DNAH6: variants seen among roughly 807,000 people sequenced by gnomAD.
DNAH6 encodes the protein dynein axonemal heavy chain 6, also known as axonemal beta dynein heavy chain 6.
Under a neutral mutation model 491.4 loss-of-function variants are expected in DNAH6, and 340 were observed. The ratio of observed to expected loss-of-function variants is 0.69; its 90% CI spans 0.63 to 0.76. The LOEUF is 0.76. DNAH6 is among the 30% of genes least tolerant of loss of function. The pLI is 0.00. For missense variants in DNAH6, 4,443 were observed against 4,972.2 expected (o/e 0.89, Z 3.20); for synonymous variants, 1,603 against 1,686.1 (o/e 0.95, Z 1.21).
intron 64 of DNAH6, among the ~76,000 whole-genome samples, chr2:84,775,379 T>A (rs1330695944): frequency 6.6e-6 from 1 of 152,086 alleles, no homozygotes; most frequent in Non-Finnish European, 1.5e-5. Context: ...CATGGTGAAT[T>A]AACTTTTTAA....
the DNAH6 span, among the ~76,000 whole-genome samples, chr2:84,507,840 T>G: frequency 0.95 from 145,210 of 152,226 alleles, 69,297 homozygotes; most frequent in East Asian, 1. Flanking sequence ...GGTTTTTGTC[T>G]TTGGTTCTGT....
intron 70 of DNAH6, among the ~76,000 whole-genome samples, chr2:84,799,573 T>C (rs1424069678): frequency 6.6e-6 from 1 of 152,236 alleles, no homozygotes; most frequent in Non-Finnish European, 1.5e-5. Context: ...CCAGGGAGTC[T>C]CCACCTTTGA....
intron 10 of DNAH6, among the ~76,000 whole-genome samples, chr2:84,553,784 G>A (rs963216351): frequency 1.3e-5 from 2 of 151,816 alleles, no homozygotes; most frequent in African/African-American, 2.4e-5. Flanking sequence ...AATACCATTT[G>A]TGAAATCTTT....
chr2:84,478,997 G>A, the DNAH6 span, among the ~76,000 whole-genome samples: 1 of 152,024 alleles, frequency 6.6e-6, no homozygotes, highest in Non-Finnish European at 1.5e-5. Flanking sequence ...TACACTATCA[G>A]CTGTCCCCAG....
chr2:84,724,317 T>A (rs1016234307), intron 60 of DNAH6, among the ~76,000 whole-genome samples: 3 of 152,206 alleles, frequency 2.0e-5, no homozygotes, highest in African/African-American at 7.2e-5. Context: ...GCCAGCCTAG[T>A]CCTAGTGTTT....
chr2:84,710,698 C>T (rs749409823), intron 56 of DNAH6, among the ~76,000 whole-genome samples: 5 of 152,108 alleles, frequency 3.3e-5, no homozygotes, highest in African/African-American at 7.2e-5. Flanking sequence ...TGGTGAGCTG[C>T]GCTGAAAATT....
rs943765412 is a variant in DNAH6, at chr2:84,663,834, G to A, written c.6084+4665G>A. ...GTTAAAATAAAGGAAAAAATATTAA[G>A]GGCAGCTAGAGAGAAAGGTCGGGTT... On this transcript the variant is annotated intron_variant, in intron 37 of 76. Transcript: ENST00000389394. Among the ~76,000 whole-genome samples the A allele has an allele frequency of 7.2e-5, 11 of 152,250 alleles. No homozygotes were observed. The South Asian group carries it at 2.3e-3, about 32-fold the overall frequency.
chr2:84,628,795 T>TA lies in DNAH6; in HGVS notation c.4515+3741dup, dbSNP rs966411977. ...TCAAGTCAAATGTTCTCTCCCATTT[T>TA]AAAAAAAAATACATATTATATGCAA... On this transcript the variant is annotated intron_variant, in intron 29 of 76. Transcript: ENST00000389394. Among the ~76,000 whole-genome samples, 387 of 151,198 alleles carry TA rather than the reference T, an allele frequency of 2.6e-3. 1 individual carries two copies. Among genetic ancestry groups the TA allele is most frequent in the South Asian group, 0.013 (63 of 4,778 alleles).
At chr2:84,697,751 G>A (rs1292896948) in intron 47 of DNAH6, 24 bp downstream of exon 47, 1 of 1,551,328 alleles carries the variant, frequency 6.4e-7, no homozygotes. Context: ...GAGTAGTTAT[G>A]TGGCTTTATC....
At chr2:84,673,534 G>C (rs1692943386) in intron 40 of DNAH6, among the ~76,000 whole-genome samples, 1 of 152,192 alleles carries the variant, frequency 6.6e-6, no homozygotes, top group Admixed American at 6.5e-5. Context: ...GAACTAATGG[G>C]ATAGACATAT....
In DNAH6 at chr2:84,745,223, C is replaced by T. The variant is rs1301865323; in HGVS notation, c.10486C>T (p.Leu3496Phe). The T allele has an allele frequency of 2.0e-6, 3 of 1,518,766 alleles. No individual in the cohort carries two copies. The highest frequency in any genetic ancestry group is 2.6e-6 in the Non-Finnish European group (3 of 1,135,308). 94.1% of individuals were successfully genotyped at this position (1,518,766 alleles called of 1,614,324 possible). ...ATTGAGTTCTTTCCATAAGCTAATT[C>T]TTATTAAATGTTGTAAAGAAGAAAA... is the stretch of plus-strand genomic sequence containing the variant. ...AGLSSFHKLI[L>F]IKCCKEEKVV... The change falls in exon 63 of 77, where the codon CTT becomes TTT. Residue 3496 changes from leucine (L) to phenylalanine (F), a missense_variant. Leu to Phe is a conservative substitution (Grantham distance 22). Coordinates refer to ENST00000389394, the MANE Select transcript of DNAH6 (RefSeq NM_001370.2).
chr2:84,651,100 T>C (rs888774901), intron 33 of DNAH6, among the ~76,000 whole-genome samples: 6 of 152,074 alleles, frequency 3.9e-5, no homozygotes, highest in Non-Finnish European at 7.4e-5. Flanking sequence ...TAGAAGCGCC[T>C]CATTACTGTT....
chr2:84,777,910 G>C lies in DNAH6; in HGVS notation c.10704-3583G>C, dbSNP rs777426838. 1.0e-5 allele frequency: 12 copies of C among 1,174,222 alleles called. No homozygotes were observed. In the African/African-American group the frequency reaches 1.5e-4, roughly 15 times the overall value. The allele number at this position is 1,174,222 out of a possible 1,614,324, so 72.7% of individuals were successfully genotyped here. ...GAATGATGAATTTAAAGATGTTCAC[G>C]TTAGGCTGGACCAAATTAAGACGGC... On this transcript the variant is annotated intron_variant, in intron 64 of 76. Coordinates refer to ENST00000389394, the MANE Select transcript of DNAH6 (RefSeq NM_001370.2).
In DNAH6 at chr2:84,563,078, G is replaced by A. The variant is rs150687878; in HGVS notation, c.1803+5143G>A. On this transcript the variant is annotated intron_variant, in intron 11 of 76. Coordinates refer to ENST00000389394, the MANE Select transcript of DNAH6 (RefSeq NM_001370.2). ...CCCCGCACATGATCTCTTGCCTGCT[G>A]CCACTTAAGACGCAGCTTTGCTCCT... is the stretch of plus-strand genomic sequence containing the variant. 4.8e-3 allele frequency among the ~76,000 whole-genome samples: 727 copies of A among 152,262 alleles called. 4 individuals carry two copies. Among genetic ancestry groups the A allele is most frequent in the Non-Finnish European group, 8.1e-3 (551 of 68,010 alleles).
rs1473995246 is a variant in DNAH6 at position 84,697,715 on chromosome 2, G to A, written c.7665G>A (p.Gly2555=). 1 of 1,551,746 alleles carries A rather than the reference G, an allele frequency of 6.4e-7. No homozygotes were observed. The highest frequency in any genetic ancestry group is 8.7e-7 in the Non-Finnish European group (1 of 1,146,990). ...CAAAAGAAGTAGGAATTTCTGAGGG[G>A]AACAGAGACGAGGTAGGATGTGCCA... ...PRAKEVGISE[G]NRDEVFQYFI... The change falls in exon 47 of 77, where the codon GGG becomes GGA. Residue 2555 remains glycine (G), a synonymous_variant. Transcript: ENST00000389394.
the DNAH6 span, among the ~76,000 whole-genome samples, chr2:84,490,879 A>G: frequency 6.6e-6 from 1 of 152,030 alleles, no homozygotes; most frequent in Non-Finnish European, 1.5e-5. Flanking sequence ...TATGATTTTT[A>G]ATTGGGTTTC....
At chr2:84,618,805 A>C (rs571746726) in intron 23 of DNAH6, among the ~76,000 whole-genome samples, 30 of 152,298 alleles carry the variant, frequency 2.0e-4, no homozygotes, top group African/African-American at 6.7e-4. Flanking sequence ...TATCTAGAGC[A>C]GGGACAAACA....
In DNAH6 at chr2:84,707,728, T is replaced by C. The variant is rs753848942; in HGVS notation, c.9048+12T>C. On this transcript the variant is annotated intron_variant, in intron 54 of 76. Coordinates refer to ENST00000389394, the MANE Select transcript of DNAH6 (RefSeq NM_001370.2). ...AGTACAGGCAGTCAGTGAGTAACCCTGCTTTCTGTAAGGAGGGGTAAGAAG... is the reference window on the plus strand; with the variant it reads ...AGTACAGGCAGTCAGTGAGTAACCCCGCTTTCTGTAAGGAGGGGTAAGAAG... 9.7e-6 allele frequency: 15 copies of C among 1,548,308 alleles called. No individual in the cohort carries two copies. The highest frequency in any genetic ancestry group is 1.3e-5 in the Non-Finnish European group (15 of 1,144,550).
intron 12 of DNAH6, 40 bp from the exon 13 acceptor site, chr2:84,577,217 T>C (rs1682534748): frequency 1.6e-6 from 2 of 1,272,382 alleles, no homozygotes; most frequent in African/African-American, 1.5e-5. Context: ...TAAAATCCAA[T>C]ATGGTATATT....
Sources: allele counts gnomAD v4.1 joint callset (sites outside exome capture counted in the v4.1 genomes callset), GRCh38; gene constraint gnomAD v4.1.1; transcripts MANE v1.5; gene names NCBI Gene and HGNC (gene_info 2026-07-23, HGNC 2026-07-21).